FGF14: variants seen among roughly 807,000 people sequenced by gnomAD.
The protein encoded by FGF14 is fibroblast growth factor homologous factor 4.
In FGF14, 5 loss-of-function variants were observed where a neutral mutation model predicts 25.5. The observed-to-expected ratio is 0.20, with a 90% confidence interval of 0.10 to 0.41. The LOEUF is 0.41. FGF14 is among the 10% of genes least tolerant of loss of function. The pLI is 1.00. For synonymous variants in FGF14, 138 were observed against 118.3 expected (o/e 1.17, Z -1.08); for missense variants, 222 against 320.1 (o/e 0.69, Z 2.34).
chr13:102,167,843 T>G (rs1216046134), intron 1 of FGF14, among the ~76,000 whole-genome samples: 1 of 151,696 alleles, frequency 6.6e-6, no homozygotes, highest in East Asian at 1.9e-4. Context: ...TAAACATATT[T>G]AAGGGGGAGT....
chr13:102,295,902 T>C (rs1398243139), intron 1 of FGF14, among the ~76,000 whole-genome samples: 1 of 152,062 alleles, frequency 6.6e-6, no homozygotes, highest in African/African-American at 2.4e-5. Flanking sequence ...ATTGCGAAAA[T>C]AGATTCCTGA....
Position 101,894,880 on chromosome 13 carries a change from C to T in FGF14, c.194-19584G>A, listed in dbSNP as rs369490332. Among the ~76,000 whole-genome samples the T allele has an allele frequency of 2.0e-4, 31 of 152,118 alleles. No individual in the cohort carries two copies. In the South Asian group the frequency reaches 2.7e-3, roughly 13 times the overall value. ...TTTCCAGCACAATTTGCATTTGCATCGAGAAGCATAGCATGGAAAAAGAAA... is the reference window on the plus strand; with the variant it reads ...TTTCCAGCACAATTTGCATTTGCATTGAGAAGCATAGCATGGAAAAAGAAA... On this transcript the variant is annotated intron_variant, in intron 1 of 4. Coordinates refer to ENST00000376143, the MANE Select transcript of FGF14 (RefSeq NM_004115.4).
chr13:102,059,943 G>T (rs1006358934), intron 1 of FGF14, among the ~76,000 whole-genome samples: 3 of 151,808 alleles, frequency 2.0e-5, no homozygotes, highest in Non-Finnish European at 4.4e-5. Context: ...TAAAAAGAAT[G>T]AATAAATTGC....
chr13:101,903,088 T>C (rs2139001393), intron 1 of FGF14, among the ~76,000 whole-genome samples: 1 of 152,258 alleles, frequency 6.6e-6, no homozygotes, highest in South Asian at 2.1e-4. Context: ...TTCCAATGAA[T>C]TCTAGTGGCT....
intron 3 of FGF14, among the ~76,000 whole-genome samples, chr13:101,837,534 A>G (rs1469580280): frequency 6.6e-6 from 1 of 152,124 alleles, no homozygotes; most frequent in Non-Finnish European, 1.5e-5. Flanking sequence ...GGGCATTTGT[A>G]TATGAAACGT....
At chr13:102,074,552 T>C (rs987922378) in intron 1 of FGF14, among the ~76,000 whole-genome samples, 1 of 152,112 alleles carries the variant, frequency 6.6e-6, no homozygotes, top group African/African-American at 2.4e-5. Context: ...CTTCACAAAA[T>C]ATTGAAGTAA....
chr13:101,955,307 G>T lies in FGF14; in HGVS notation c.209-80011C>A, dbSNP rs567593810. Among the ~76,000 whole-genome samples, 5 of 152,312 alleles carry T rather than the reference G, an allele frequency of 3.3e-5. No homozygotes were observed. In the South Asian group the frequency reaches 6.2e-4, roughly 19 times the overall value. On this transcript the variant is annotated intron_variant, in intron 1 of 4. Transcript: ENST00000376131. ...TTAAATCGTTCTACACTGCAATTGG[G>T]TTTAGCTTCTAATGTGGCTTCAATG... is the stretch of plus-strand genomic sequence containing the variant.
chr13:101,788,437 C>T (rs960941946), intron 3 of FGF14, among the ~76,000 whole-genome samples: 1 of 152,098 alleles, frequency 6.6e-6, no homozygotes, highest in Non-Finnish European at 1.5e-5. Flanking sequence ...GAAACTTATA[C>T]ATGTGTGTAA....
chr13:101,963,657 CT>C (rs2037008161), intron 1 of FGF14, among the ~76,000 whole-genome samples: 1 of 152,192 alleles, frequency 6.6e-6, no homozygotes, highest in Admixed American at 6.5e-5. Flanking sequence ...TTCTGTCACC[CT>C]TCTGTATGGA....
At chr13:101,749,146 T>C (rs747484253) in intron 3 of FGF14, among the ~76,000 whole-genome samples, 2 of 152,070 alleles carry the variant, frequency 1.3e-5, no homozygotes, top group Admixed American at 1.3e-4. Context: ...CGGTTGCCGG[T>C]GGCTAGGGAG....
At chr13:101,763,421 T>A (rs1437081455) in intron 3 of FGF14, among the ~76,000 whole-genome samples, 1 of 152,220 alleles carries the variant, frequency 6.6e-6, no homozygotes, top group Admixed American at 6.5e-5. Context: ...TAGTTCTTTT[T>A]TTCCTAATAA....
chr13:102,196,859 C>T (rs759337374), intron 1 of FGF14, among the ~76,000 whole-genome samples: 3 of 152,228 alleles, frequency 2.0e-5, no homozygotes, highest in South Asian at 2.1e-4. Flanking sequence ...CTTTGTCAGG[C>T]CCTTTTCAGA....
chr13:102,362,104 T>A (rs1294786997), intron 1 of FGF14, among the ~76,000 whole-genome samples: 1 of 152,182 alleles, frequency 6.6e-6, no homozygotes, highest in Non-Finnish European at 1.5e-5. Context: ...TGCCAGAAAC[T>A]GATGTGATCT....
chr13:101,861,528 ATTCAGAAGT>A (rs559832076), intron 3 of FGF14, among the ~76,000 whole-genome samples: 172 of 150,522 alleles, frequency 1.1e-3, no homozygotes, highest in African/African-American at 4.0e-3. Flanking sequence ...CACCCCTTTA[ATTCAGAAGT>A]TGCAGACACT....
chr13:102,205,984 T>TAAAAAAAAAAAA (rs36108366), intron 1 of FGF14, among the ~76,000 whole-genome samples: 3 of 47,442 alleles, frequency 6.3e-5, no homozygotes, highest in Non-Finnish European at 7.9e-5. Flanking sequence ...CTCCCTGTGG[T>TAAAAAAAAAAAA]AAAAAAAAAA....
At chr13:102,343,691 C>T (rs1299211181) in intron 1 of FGF14, among the ~76,000 whole-genome samples, 1 of 152,178 alleles carries the variant, frequency 6.6e-6, no homozygotes. Context: ...GTCAAAACTT[C>T]TACTAAACAT....
chr13:102,050,351 T>C (rs1353237269), intron 1 of FGF14, among the ~76,000 whole-genome samples: 1 of 152,094 alleles, frequency 6.6e-6, no homozygotes, highest in Non-Finnish European at 1.5e-5. Flanking sequence ...CAAAACTATA[T>C]AGTTTTGGAG....
intron 1 of FGF14, among the ~76,000 whole-genome samples, chr13:102,125,747 C>A (rs1437988497): frequency 2.0e-5 from 3 of 152,072 alleles, no homozygotes; most frequent in African/African-American, 4.8e-5. Flanking sequence ...TGAACTGTTT[C>A]TTTTTAAAAT....
At chr13:101,874,136 G>C (rs2045266608) in intron 2 of FGF14, among the ~76,000 whole-genome samples, 2 of 152,110 alleles carry the variant, frequency 1.3e-5, no homozygotes, top group South Asian at 2.1e-4. Context: ...ACTACTGCCA[G>C]AATCAGTGTT....
Sources: gnomAD v4.1 joint callset for allele counts (sites outside exome capture counted in the v4.1 genomes callset) on GRCh38, gnomAD v4.1.1 for gene constraint, MANE v1.5 for transcripts, NCBI Gene and HGNC (gene_info 2026-07-23, HGNC 2026-07-21) for gene names.